The following MYO1D variants were observed in gnomAD, a reference collection of about 807,000 sequenced individuals.
The protein encoded by MYO1D is myosin ID.
A neutral mutation model predicts 122.0 loss-of-function variants in MYO1D; 83 were observed. The observed-to-expected ratio is 0.68, with a 90% CI of 0.57 to 0.82. MYO1D has a LOEUF of 0.82. Ranked by LOEUF, MYO1D falls within the 40% of genes least tolerant of loss-of-function variation. The probability of loss-of-function intolerance (pLI) is 0.00; values close to 1 mark genes in which losing one functional copy is unlikely to be tolerated. For synonymous variants in MYO1D, 464 were observed against 446.9 expected (o/e 1.04, Z -0.48); for missense variants, 1,157 against 1,269.5 (o/e 0.91, Z 1.35).
intron 15 of MYO1D, 91 bp from the exon 16 acceptor site, chr17:32,712,286 A>G: frequency 8.6e-7 from 1 of 1,160,346 alleles, no homozygotes; most frequent in South Asian, 1.4e-5. Context: ...CACCTCATAG[A>G]AAACCAAATC....
chr17:32,859,647 A>G (rs2091053838), intron 1 of MYO1D, among the ~76,000 whole-genome samples: 2 of 152,206 alleles, frequency 1.3e-5, no homozygotes, highest in Admixed American at 6.5e-5. Context: ...AATAAACATA[A>G]TCAATTCATA....
chr17:32,686,956 T>C (rs910242408), intron 16 of MYO1D, among the ~76,000 whole-genome samples: 2 of 140,130 alleles, frequency 1.4e-5, no homozygotes, highest in Non-Finnish European at 3.1e-5. Flanking sequence ...AGTGAGATCC[T>C]GTTTCAAAAC....
intron 1 of MYO1D, among the ~76,000 whole-genome samples, chr17:32,841,744 AGAG>A (rs2090884623): frequency 6.6e-6 from 1 of 151,884 alleles, no homozygotes; most frequent in South Asian, 2.1e-4. Flanking sequence ...TTAGCCTAAT[AGAG>A]GAGGATAAGC....
At chr17:32,776,742 C>T (rs1413924994) in intron 3 of MYO1D, among the ~76,000 whole-genome samples, 1 of 152,138 alleles carries the variant, frequency 6.6e-6, no homozygotes, top group Admixed American at 6.6e-5. Flanking sequence ...TTCTTTGAAG[C>T]TGTATGGAAT....
chr17:32,612,495 T>G (rs971196406), intron 20 of MYO1D, among the ~76,000 whole-genome samples: 1 of 151,746 alleles, frequency 6.6e-6, no homozygotes, highest in Non-Finnish European at 1.5e-5. Context: ...ATGACCAGCC[T>G]GGGCAACATA....
At chr17:32,639,679 C>T (rs79101177) in intron 19 of MYO1D, among the ~76,000 whole-genome samples, 9,871 of 151,988 alleles carry the variant, frequency 0.065, 384 homozygotes, top group East Asian at 0.19. Context: ...TGCCAGCATG[C>T]GCCACCATGT....
chr17:32,790,863 G>A (rs961237112), intron 1 of MYO1D, among the ~76,000 whole-genome samples: 11 of 152,272 alleles, frequency 7.2e-5, no homozygotes, highest in Admixed American at 5.9e-4. Flanking sequence ...ACCAGATAAA[G>A]GCCTGGAAAT....
At chr17:32,557,344 C>G (rs974596300) in intron 21 of MYO1D, among the ~76,000 whole-genome samples, 2 of 151,792 alleles carry the variant, frequency 1.3e-5, no homozygotes, top group Non-Finnish European at 2.9e-5. Flanking sequence ...CTCCTGACTT[C>G]GTGATCCACC....
chr17:32,840,015 A>G (rs1598145775), intron 1 of MYO1D, among the ~76,000 whole-genome samples: 1 of 152,320 alleles, frequency 6.6e-6, no homozygotes, highest in South Asian at 2.1e-4. Flanking sequence ...TGTTTCAATT[A>G]CAATTTTCTT....
Position 32,493,219 on chromosome 17 carries a change from GT to G in MYO1D, c.*1539del. The G allele has an allele frequency of 6.6e-6, 1 of 152,392 alleles. No homozygotes were observed. The highest frequency in any genetic ancestry group is 1.9e-4 in the East Asian group (1 of 5,186). The allele number at this position is 152,392 out of a possible 1,614,324, so 9.4% of individuals were successfully genotyped here. Reference sequence around the variant, plus strand: ...GACCAGGCTTGGAGAATGAGAAAGGGTTCCCAAGGACAGGATGCCAGCGGGA... The same window carrying G: ...GACCAGGCTTGGAGAATGAGAAAGGGTCCCAAGGACAGGATGCCAGCGGGA... On this transcript the variant is annotated 3_prime_UTR_variant, in exon 22 of 22. Transcript: ENST00000318217.
intron 2 of MYO1D, 107 bp downstream of exon 2, chr17:32,780,469 A>G: frequency 8.9e-7 from 1 of 1,128,554 alleles, no homozygotes; most frequent in Admixed American, 2.0e-5. Context: ...AGAATTGCTC[A>G]GGCTTCTACC....
At position 32,728,459 on chromosome 17, in the gene MYO1D, G is replaced by A. The variant is rs184390325; in HGVS notation, c.1747-7270C>T. Among the ~76,000 whole-genome samples the A allele has an allele frequency of 3.6e-4, 55 of 152,184 alleles. No individual in the cohort carries two copies. In the East Asian group the frequency reaches 9.7e-3, roughly 27 times the overall value. On this transcript the variant is annotated intron_variant, in intron 14 of 21. Transcript: ENST00000318217. Reference sequence around the variant, plus strand: ...CTGATCTTGTGATCTGCCCACCTTGGACTCCCAAAGTGCTGGGATTACAGG... The same window carrying A: ...CTGATCTTGTGATCTGCCCACCTTGAACTCCCAAAGTGCTGGGATTACAGG...
intron 21 of MYO1D, among the ~76,000 whole-genome samples, chr17:32,585,766 GC>G (rs1392996343): frequency 6.6e-6 from 1 of 150,702 alleles, no homozygotes; most frequent in Non-Finnish European, 1.5e-5. Context: ...AAAAGGAAGG[GC>G]AGTCTAAAAT....
intron 16 of MYO1D, among the ~76,000 whole-genome samples, chr17:32,678,166 A>G (rs1304948322): frequency 1.3e-5 from 2 of 152,054 alleles, no homozygotes; most frequent in African/African-American, 4.8e-5. Context: ...AACTTTTCCT[A>G]GGGTTAAATC....
At chr17:32,570,744 A>T (rs956080329) in intron 21 of MYO1D, among the ~76,000 whole-genome samples, 13 of 152,172 alleles carry the variant, frequency 8.5e-5, no homozygotes, top group African/African-American at 2.9e-4. Flanking sequence ...ACAAACCTCT[A>T]AAAACTCAGT....
intron 21 of MYO1D, among the ~76,000 whole-genome samples, chr17:32,576,073 C>T (rs1454002167): frequency 6.6e-6 from 1 of 152,168 alleles, no homozygotes; most frequent in Non-Finnish European, 1.5e-5. Context: ...CATTAGTAGA[C>T]TTCAAGAACA....
At chr17:32,733,669 GAAT>G (rs1428975745) in intron 14 of MYO1D, among the ~76,000 whole-genome samples, 1 of 152,164 alleles carries the variant, frequency 6.6e-6, no homozygotes, top group African/African-American at 2.4e-5. Flanking sequence ...ACCCAGCCTT[GAAT>G]AACTATATTC....
chr17:32,856,460 C>G (rs946433398), intron 1 of MYO1D, among the ~76,000 whole-genome samples: 10 of 152,202 alleles, frequency 6.6e-5, no homozygotes, highest in Non-Finnish European at 1.3e-4. Flanking sequence ...AGCAATATCA[C>G]TCAGTCTCTA....
intron 21 of MYO1D, among the ~76,000 whole-genome samples, chr17:32,575,649 GGT>G (rs2087272272): frequency 6.6e-6 from 1 of 151,962 alleles, no homozygotes; most frequent in Non-Finnish European, 1.5e-5. Flanking sequence ...TTCCCTCTGG[GGT>G]GTGTTTCTCC....
Sources: allele counts gnomAD v4.1 joint callset (sites outside exome capture counted in the v4.1 genomes callset), GRCh38; gene constraint gnomAD v4.1.1; transcripts MANE v1.5; gene names NCBI Gene and HGNC (gene_info 2026-07-23, HGNC 2026-07-21).